The following TMC1 variants were observed in gnomAD, a reference collection of about 807,000 sequenced individuals.
TMC1 encodes transmembrane channel like 1, also known as transmembrane channel-like protein 1.
TMC1 carries 84 observed loss-of-function variants against 105.8 expected under a neutral mutation model. The observed-to-expected ratio is 0.79, with a 90% CI of 0.67 to 0.95. The LOEUF (loss-of-function observed/expected upper bound fraction) is 0.95. Among genes scored for constraint, TMC1 ranks in the 40% least tolerant of loss-of-function variants. The pLI is 0.00. For missense variants in TMC1, 817 were observed against 914.1 expected (o/e 0.89, Z 1.37); for synonymous variants, 315 against 311.5 (o/e 1.01, Z -0.12).
intron 10 of TMC1, among the ~76,000 whole-genome samples, chr9:72,742,968 G>T (rs1276856511): frequency 6.6e-6 from 1 of 152,216 alleles, no homozygotes; most frequent in Non-Finnish European, 1.5e-5. Context: ...GGGCGCAGTG[G>T]TTCACGCCTG....
At chr9:72,739,385 A>T (rs1189877280) in intron 8 of TMC1, among the ~76,000 whole-genome samples, 1 of 152,206 alleles carries the variant, frequency 6.6e-6, no homozygotes, top group Non-Finnish European at 1.5e-5. Context: ...TTCAGTCTAT[A>T]ACAATGATCA....
At chr9:72,738,933 G>A (rs1827343788) in intron 8 of TMC1, among the ~76,000 whole-genome samples, 1 of 152,002 alleles carries the variant, frequency 6.6e-6, no homozygotes, top group Non-Finnish European at 1.5e-5. Context: ...CAGCCCCCGA[G>A]AGCTGAAGAC....
chr9:72,672,504 C>A (rs1826138877), intron 5 of TMC1, among the ~76,000 whole-genome samples: 1 of 151,776 alleles, frequency 6.6e-6, no homozygotes, highest in Non-Finnish European at 1.5e-5. Flanking sequence ...TACCCATATC[C>A]AACTATATCT....
chr9:72,835,788 A>C (rs1217329866), intron 23 of TMC1, among the ~76,000 whole-genome samples, 163 bp from the exon 24 acceptor site: 2 of 152,162 alleles, frequency 1.3e-5, no homozygotes, highest in African/African-American at 4.8e-5. Flanking sequence ...TTAAAATGGT[A>C]AATATTATGG....
intron 6 of TMC1, among the ~76,000 whole-genome samples, chr9:72,689,441 T>G (rs150545832): frequency 8.4e-4 from 128 of 152,284 alleles, no homozygotes; most frequent in African/African-American, 2.9e-3. Context: ...GTTCTGTATA[T>G]GTCTGCTAGG....
intron 1 of TMC1, among the ~76,000 whole-genome samples, chr9:72,552,717 A>T (rs2132073035): frequency 6.6e-6 from 1 of 152,290 alleles, no homozygotes; most frequent in South Asian, 2.1e-4. Context: ...CTATTTGTGA[A>T]ACCAACCAGC....
At chr9:72,647,278 ATT>A (rs1344341100) in intron 4 of TMC1, among the ~76,000 whole-genome samples, 2 of 150,630 alleles carry the variant, frequency 1.3e-5, no homozygotes, top group African/African-American at 4.9e-5. Context: ...TAATTCATCT[ATT>A]TTTCTTTTTT....
chr9:72,621,508 T>C (rs1220457095), intron 3 of TMC1, among the ~76,000 whole-genome samples: 1 of 152,230 alleles, frequency 6.6e-6, no homozygotes, highest in Non-Finnish European at 1.5e-5. Flanking sequence ...CAAATGTTGC[T>C]TGTGAATATT....
At chr9:72,828,717 T>C (rs1292464841) in intron 21 of TMC1, among the ~76,000 whole-genome samples, 1 of 152,180 alleles carries the variant, frequency 6.6e-6, no homozygotes, top group African/African-American at 2.4e-5. Context: ...TAAGTGGAAC[T>C]GAAACTCATG....
rs1379410307 is a variant in TMC1 at position 72,692,160 on chromosome 9, T to C, written c.65-2383T>C. On this transcript the variant is annotated intron_variant, in intron 6 of 23. Coordinates refer to ENST00000297784, the MANE Select transcript of TMC1 (RefSeq NM_138691.3). Reference sequence around the variant, plus strand: ...ATTCAAACGGCTATCTTTGCTCTCATTGGTTCCTAACCAGAGGTCTTTTCC... The same window carrying C: ...ATTCAAACGGCTATCTTTGCTCTCACTGGTTCCTAACCAGAGGTCTTTTCC... 8.5e-5 allele frequency among the ~76,000 whole-genome samples: 13 copies of C among 152,356 alleles called. No individual in the cohort carries two copies. In the East Asian group the frequency reaches 2.1e-3, roughly 25 times the overall value.
intron 12 of TMC1, among the ~76,000 whole-genome samples, chr9:72,767,107 C>A (rs1046906121): frequency 6.6e-6 from 1 of 152,188 alleles, no homozygotes; most frequent in Admixed American, 6.5e-5. Context: ...ACACTTGAAA[C>A]CTTCGTTCAT....
chr9:72,606,996 T>TAGAGAGAGAGAGAG (rs757833291), intron 2 of TMC1, among the ~76,000 whole-genome samples: 48 of 99,852 alleles, frequency 4.8e-4, no homozygotes, highest in Non-Finnish European at 7.5e-4. Context: ...TATATATATA[T>TAGAGAGAGAGAGAG]ATATATAGAG....
intron 8 of TMC1, among the ~76,000 whole-genome samples, chr9:72,723,218 T>C (rs1234041135): frequency 6.6e-6 from 1 of 151,602 alleles, no homozygotes; most frequent in African/African-American, 2.4e-5. Context: ...ATGACTTTTG[T>C]TTTATATGAC....
intron 2 of TMC1, among the ~76,000 whole-genome samples, chr9:72,595,886 T>C (rs1035581203): frequency 6.7e-6 from 1 of 150,146 alleles, no homozygotes; most frequent in African/African-American, 2.4e-5. Flanking sequence ...TTTTTTTTTT[T>C]TTCTTTTTGA....
At chr9:72,538,682 G>C (rs1336412013) in intron 1 of TMC1, among the ~76,000 whole-genome samples, 2 of 152,090 alleles carry the variant, frequency 1.3e-5, no homozygotes, top group East Asian at 3.9e-4. Context: ...CAAGTGATCT[G>C]CCTGCCTTGG....
intron 3 of TMC1, among the ~76,000 whole-genome samples, chr9:72,626,579 A>T (rs150813135): frequency 6.6e-6 from 1 of 152,230 alleles, no homozygotes; most frequent in Non-Finnish European, 1.5e-5. Context: ...ATCAAATGGC[A>T]TCCATCCAAG....
In TMC1 at chr9:72,750,236, T is replaced by C. The variant is rs533679493; in HGVS notation, c.536-1614T>C. Among the ~76,000 whole-genome samples, 5 of 152,352 alleles carry C rather than the reference T, an allele frequency of 3.3e-5. No homozygotes were observed. In the East Asian group the frequency reaches 7.7e-4, roughly 24 times the overall value. On this transcript the variant is annotated intron_variant, in intron 10 of 23. Coordinates refer to ENST00000297784, the MANE Select transcript of TMC1 (RefSeq NM_138691.3). ...ATGAACCTTCCTTTTCCATTGATAA[T>C]GCTTCCCCACTGATAATGTTTCAAA...
chr9:72,658,560 A>G (rs1018634252), intron 5 of TMC1, among the ~76,000 whole-genome samples: 3 of 152,218 alleles, frequency 2.0e-5, no homozygotes, highest in African/African-American at 7.2e-5. Flanking sequence ...AACTTTTGCT[A>G]AACGTGTATA....
rs141354762 is a variant in TMC1 at position 72,758,046 on chromosome 9, A to G, written c.741+3162A>G. Among the ~76,000 whole-genome samples the G allele has an allele frequency of 1.1e-3, 175 of 152,364 alleles. 2 individuals carry two copies. The highest frequency in any genetic ancestry group is 4.1e-3 in the African/African-American group (169 of 41,590). On this transcript the variant is annotated intron_variant, in intron 12 of 23. Transcript: ENST00000297784. ...AAGGAAGCAATAGGATTATATAGTC[A>G]TTATCAAATTGTTCATTGAATAACA...
Sources: gnomAD v4.1 joint callset for allele counts (sites outside exome capture counted in the v4.1 genomes callset) on GRCh38, gnomAD v4.1.1 for gene constraint, MANE v1.5 for transcripts, NCBI Gene and HGNC (gene_info 2026-07-23, HGNC 2026-07-21) for gene names.